RRAGC: variants seen among roughly 807,000 people sequenced by gnomAD.
RRAGC encodes Ras related GTP binding C.
A neutral mutation model predicts 37.1 loss-of-function variants in RRAGC; 8 were observed. That is an observed-to-expected ratio of 0.22 (90% CI 0.13 to 0.39). The LOEUF (loss-of-function observed/expected upper bound fraction) is 0.39. Ranked by LOEUF, RRAGC falls within the 10% of genes least tolerant of loss-of-function variation. The pLI, the probability that RRAGC is intolerant of heterozygous loss-of-function variation, is 1.00. For synonymous variants in RRAGC, 190 were observed against 181.1 expected (o/e 1.05, Z -0.39); for missense variants, 342 against 497.6 (o/e 0.69, Z 2.98).
In RRAGC at chr1:38,859,695, A is replaced by G. The variant is rs1352670249; in HGVS notation, c.-49T>C. 2.9e-6 allele frequency: 4 copies of G among 1,368,300 alleles called. No homozygotes were observed. Among genetic ancestry groups the G allele is most frequent in the Non-Finnish European group, 2.8e-6 (3 of 1,057,508 alleles). The allele number at this position is 1,368,300 out of a possible 1,614,324, so 84.8% of individuals were successfully genotyped here. The stretch of plus-strand genomic sequence containing the variant: ...CGCCCTGACAGGCCAGGCCAGGCCG[A>G]GCCAGGCCGCCGCCTCCCCAGTCCG... On this transcript the variant is annotated 5_prime_UTR_variant, in exon 1 of 7. Coordinates refer to ENST00000373001, the MANE Select transcript of RRAGC (RefSeq NM_022157.4).
At chr1:38,850,143 T>C (rs12240262) in intron 5 of RRAGC, among the ~76,000 whole-genome samples, 1,908 of 151,694 alleles carry the variant, frequency 0.013, 60 homozygotes, top group African/African-American at 0.044. Flanking sequence ...GAGGCGGAGA[T>C]TGCAGTGAGC....
chr1:38,840,849 T>A (rs1641954776), intron 6 of RRAGC, among the ~76,000 whole-genome samples: 1 of 152,172 alleles, frequency 6.6e-6, no homozygotes. Flanking sequence ...AGAAACAAAC[T>A]ATAAAAGACA....
At position 38,852,293 on chromosome 1, in the gene RRAGC, T is replaced by C. The variant is rs1003223194; in HGVS notation, c.756+81A>G. 43 of 825,008 alleles carry C rather than the reference T, an allele frequency of 5.2e-5. No homozygotes were observed. The African/African-American group carries it at 6.0e-4, about 11-fold the overall frequency. 51.1% of individuals were successfully genotyped at this position (825,008 alleles called of 1,614,324 possible). Reference sequence around the variant, plus strand: ...TGATACAGATTAATTCAAGACTTTTTTGGAAAATTTGAAAACACAAATATA... The same window carrying C: ...TGATACAGATTAATTCAAGACTTTTCTGGAAAATTTGAAAACACAAATATA... On this transcript the variant is annotated intron_variant, in intron 4 of 6. Transcript: ENST00000373001.
At position 38,852,751 on chromosome 1, in the gene RRAGC, C is replaced by T. The variant is rs567720063; in HGVS notation, c.642-263G>A. On this transcript the variant is annotated intron_variant, in intron 3 of 6. Transcript: ENST00000373001. ...CAGGTACATAAACTCCAATATTCACCGAAGTCTTTGCAATCTGATCCAAAA... is the reference window on the plus strand; with the variant it reads ...CAGGTACATAAACTCCAATATTCACTGAAGTCTTTGCAATCTGATCCAAAA... 21 of 210,928 alleles carry T rather than the reference C, an allele frequency of 1.0e-4. No individual in the cohort carries two copies. The East Asian group carries it at 1.4e-3, about 14-fold the overall frequency. The allele number at this position is 210,928 out of a possible 1,614,324, so 13.1% of individuals were successfully genotyped here. A position where few individuals can be genotyped will look rare whatever the true frequency, so the allele number is the denominator to read the frequency against.
chr1:38,859,322 GC>G, intron 1 of RRAGC, 87 bp downstream of exon 1: 1 of 1,230,142 alleles, frequency 8.1e-7, no homozygotes, highest in Non-Finnish European at 1.1e-6. Context: ...GCGCAGGCGG[GC>G]CCCGGCCGCC....
intron 5 of RRAGC, chr1:38,846,822 G>A (rs1240155546): frequency 6.6e-6 from 1 of 152,152 alleles, no homozygotes; most frequent in Non-Finnish European, 1.5e-5. Context: ...GAAAATGTCG[G>A]CTGGGTGCAA....
chr1:38,851,077 T>C (rs1389157611), intron 5 of RRAGC, among the ~76,000 whole-genome samples: 2 of 152,244 alleles, frequency 1.3e-5, no homozygotes, highest in Admixed American at 6.5e-5. Context: ...TATAGCGAGT[T>C]TGGCAAATTT....
rs1224202500 is a variant in RRAGC, at chr1:38,844,445, G to GA, written c.1048+1493dup. Among the ~76,000 whole-genome samples the GA allele has an allele frequency of 2.7e-3, 379 of 139,790 alleles. 2 individuals are homozygous for GA. Among genetic ancestry groups the GA allele is most frequent in the African/African-American group, 9.5e-3 (361 of 38,076 alleles). 91.7% of individuals were successfully genotyped at this position (139,790 alleles called of 152,430 possible). A position where few individuals can be genotyped will look rare whatever the true frequency, so the allele number is the denominator to read the frequency against. On this transcript the variant is annotated intron_variant, in intron 6 of 6. Coordinates refer to ENST00000373001, the MANE Select transcript of RRAGC (RefSeq NM_022157.4). ...AGACTTGGCTCTGACAAACAGGACT[G>GA]AGGAAAAAAAAAAAAAAAACAGAAG...
At chr1:38,857,953 C>T (rs1642187092) in intron 1 of RRAGC, among the ~76,000 whole-genome samples, 2 of 151,672 alleles carry the variant, frequency 1.3e-5, no homozygotes, top group South Asian at 4.1e-4. Context: ...AGCAAGACTC[C>T]ATAACAAACA....
intron 3 of RRAGC, 28 bp from the exon 4 acceptor site, chr1:38,852,516 T>G: frequency 1.9e-6 from 2 of 1,026,460 alleles, no homozygotes; most frequent in South Asian, 2.8e-5. Context: ...GCTTGATTAA[T>G]TTGAAAAATA....
intron 3 of RRAGC, among the ~76,000 whole-genome samples, chr1:38,854,049 A>G (rs1049262562): frequency 6.7e-6 from 1 of 148,194 alleles, no homozygotes; most frequent in Non-Finnish European, 1.5e-5. Flanking sequence ...TAGGACTGCT[A>G]GTACTAAATA....
At position 38,859,756 on chromosome 1, in the gene RRAGC, G is replaced by T; in HGVS notation, c.-110C>A. The T allele has an allele frequency of 1.0e-6, 1 of 980,590 alleles. No homozygotes were observed. The highest frequency in any genetic ancestry group is 1.3e-6 in the Non-Finnish European group (1 of 771,072). The allele number at this position is 980,590 out of a possible 1,614,324, so 60.7% of individuals were successfully genotyped here. The stretch of plus-strand genomic sequence containing the variant: ...CGCCGCCACCACCGCCACCGCCCCC[G>T]GCAGCCGCCACAGTCCGGCCCGCCC... On this transcript the variant is annotated 5_prime_UTR_variant, in exon 1 of 7. Transcript: ENST00000373001.
chr1:38,852,446 G>A lies in RRAGC; in HGVS notation c.684C>T (p.Ala228=). 1 of 1,609,322 alleles carries A rather than the reference G, an allele frequency of 6.2e-7. No homozygotes were observed. Among genetic ancestry groups the A allele is most frequent in the Non-Finnish European group, 8.5e-7 (1 of 1,176,186 alleles). Residue 228 remains alanine (A), a synonymous_variant, in exon 4 of 7, where the codon GCC becomes GCT. Transcript: ENST00000373001. ...TSIYDHSIFE[A]FSKVVQKLIP... ...TGAGTTTCTGCACCACCTTACTAAAGGCTTCAAATATTGAATGGTCATAGA... is the reference window on the plus strand; with the variant it reads ...TGAGTTTCTGCACCACCTTACTAAAAGCTTCAAATATTGAATGGTCATAGA...
intron 5 of RRAGC, chr1:38,847,431 A>C (rs561999491): frequency 5.5e-4 from 78 of 142,982 alleles, no homozygotes; most frequent in African/African-American, 2.0e-3. Context: ...GCAACACAAG[A>C]ACACACACAC....
chr1:38,859,263 C>T, intron 1 of RRAGC, 147 bp downstream of exon 1: 3 of 796,180 alleles, frequency 3.8e-6, no homozygotes, highest in Non-Finnish European at 3.9e-6. Context: ...CCCGCGCGGG[C>T]CGCGCCTGTG....
At position 38,851,686 on chromosome 1, in the gene RRAGC, A is replaced by C; in HGVS notation, c.828T>G (p.Pro276=). 7.5e-6 allele frequency: 12 copies of C among 1,599,934 alleles called. No individual in the cohort carries two copies. The highest frequency in any genetic ancestry group is 1.0e-5 in the Non-Finnish European group (12 of 1,176,026). ...SKIYIATDSS[P]VDMQSYELCC... Reference sequence around the variant, plus strand: ...AAAGTTCATAAGATTGCATATCCACAGGGGAACTGTCTGTTGCAATGTAGA... The same window carrying C: ...AAAGTTCATAAGATTGCATATCCACCGGGGAACTGTCTGTTGCAATGTAGA... Residue 276 remains proline (P), a synonymous_variant, in exon 5 of 7, where the codon CCT becomes CCG. Transcript: ENST00000373001.
At position 38,839,330 on chromosome 1, in the gene RRAGC, A is replaced by AT. The variant is rs201062095; in HGVS notation, c.*222dup. The AT allele has an allele frequency of 0.054, 17,909 of 331,068 alleles. 153 individuals carry two copies. Among genetic ancestry groups the AT allele is most frequent in the South Asian group, 0.064 (562 of 8,840 alleles). 20.5% of individuals were successfully genotyped at this position (331,068 alleles called of 1,614,324 possible). The stretch of plus-strand genomic sequence containing the variant: ...ACACTTGAGTTCTGTGGTCTCCAGA[A>AT]TTTTTTTTTTTTTTTTTTGCCATTT... On this transcript the variant is annotated 3_prime_UTR_variant, in exon 7 of 7. Transcript: ENST00000373001.
intron 5 of RRAGC, chr1:38,846,304 TATAG>T: frequency 2.2e-6 from 1 of 456,220 alleles, no homozygotes; most frequent in Non-Finnish European, 3.8e-6. Flanking sequence ...CATCCTTTAA[TATAG>T]ATAATCAGAC....
intron 6 of RRAGC, among the ~76,000 whole-genome samples, chr1:38,842,100 T>A (rs1048084407): frequency 1.3e-5 from 2 of 152,028 alleles, no homozygotes; most frequent in Non-Finnish European, 2.9e-5. Flanking sequence ...GTGAAACCCC[T>A]TCTGTACTAA....
Sources: allele counts gnomAD v4.1 joint callset (sites outside exome capture counted in the v4.1 genomes callset), GRCh38; gene constraint gnomAD v4.1.1; transcripts MANE v1.5; gene names NCBI Gene and HGNC (gene_info 2026-07-23, HGNC 2026-07-21).